The following MYT1L variants were observed in gnomAD, a reference collection of about 807,000 sequenced individuals.
MYT1L encodes myelin transcription factor 1-like protein.
Under a neutral mutation model 126.7 loss-of-function variants are expected in MYT1L, and 12 were observed. The observed-to-expected ratio is 0.09, with a 90% CI of 0.06 to 0.15. The LOEUF is 0.15. MYT1L is among the 10% of genes least tolerant of loss of function. The pLI, the probability that MYT1L is intolerant of heterozygous loss-of-function variation, is 1.00. For synonymous variants in MYT1L, 541 were observed against 604.2 expected (o/e 0.90, Z 1.53); for missense variants, 979 against 1,585.2 (o/e 0.62, Z 6.49).
chr2:1,811,817 GT>G lies in MYT1L; in HGVS notation c.3081-2651del, dbSNP rs2036710436. 6.6e-6 allele frequency among the ~76,000 whole-genome samples: 1 copy of G among 151,982 alleles called. No homozygotes were observed. The highest frequency in any genetic ancestry group is 1.5e-5 in the Non-Finnish European group (1 of 67,990). ...GGGCCTGGGCAACAACCTGGCAGTC[GT>G]CCCCACTCCGGGGCACCCTCCTGGG... On this transcript the variant is annotated intron_variant, in intron 21 of 24. Transcript: ENST00000647738. This position sits in a 1 kb window ranked among gnomAD's most constrained non-coding sequence, Gnocchi z 4.4.
chr2:2,165,424 G>C (rs2088896076), intron 3 of MYT1L, among the ~76,000 whole-genome samples: 1 of 151,988 alleles, frequency 6.6e-6, no homozygotes, highest in Admixed American at 6.6e-5. Flanking sequence ...ATTGTGGCAA[G>C]CTCACACCTA....
chr2:2,202,894 T>C (rs535202018), intron 2 of MYT1L, among the ~76,000 whole-genome samples: 1 of 152,232 alleles, frequency 6.6e-6, no homozygotes, highest in South Asian at 2.1e-4. Context: ...GCAAACCGAA[T>C]CCAGCAGCAC....
At chr2:2,103,406 C>G (rs774657287) in intron 3 of MYT1L, among the ~76,000 whole-genome samples, 1 of 152,224 alleles carries the variant, frequency 6.6e-6, no homozygotes, top group Non-Finnish European at 1.5e-5. Flanking sequence ...CATGGCAACA[C>G]GTCCTCCTCT....
chr2:2,004,068 T>C (rs2062761825), intron 4 of MYT1L, among the ~76,000 whole-genome samples: 1 of 150,120 alleles, frequency 6.7e-6, no homozygotes, highest in African/African-American at 2.5e-5. Context: ...CCTGCAGGCG[T>C]TCTTTCCTGC....
intron 18 of MYT1L, among the ~76,000 whole-genome samples, chr2:1,855,924 G>T (rs2043858249): frequency 6.6e-6 from 1 of 152,082 alleles, no homozygotes; most frequent in South Asian, 2.1e-4. Context: ...CATATTAAGA[G>T]AAAATAACTT....
At chr2:1,983,080 T>C (rs1388899427) in intron 5 of MYT1L, among the ~76,000 whole-genome samples, 1 of 152,082 alleles carries the variant, frequency 6.6e-6, no homozygotes. Flanking sequence ...CAGTAATCAG[T>C]TATTAAATAA....
At chr2:2,133,669 C>G (rs1643412) in intron 3 of MYT1L, among the ~76,000 whole-genome samples, 1 of 152,086 alleles carries the variant, frequency 6.6e-6, no homozygotes, top group Non-Finnish European at 1.5e-5. Context: ...AATCACAACA[C>G]ACTTGCTGCT....
rs2096281997 is a variant in MYT1L, at chr2:2,331,171, T to C, written c.-725A>G. The C allele has an allele frequency of 6.6e-6, 1 of 151,150 alleles. No homozygotes were observed. The highest frequency in any genetic ancestry group is 6.6e-5 in the Admixed American group (1 of 15,172). 9.4% of individuals were successfully genotyped at this position (151,150 alleles called of 1,614,324 possible). A position where few individuals can be genotyped will look rare whatever the true frequency, so the allele number is the denominator to read the frequency against. On this transcript the variant is annotated 5_prime_UTR_variant, in exon 1 of 25. Coordinates refer to ENST00000647738, the MANE Select transcript of MYT1L (RefSeq NM_001303052.2). ...ATATCATAACCCATAGTCCAGGGAA[T>C]GAAAAAATTAAAATGCACCCACCAA... is the stretch of plus-strand genomic sequence containing the variant.
chr2:2,107,566 G>A (rs1299641683), intron 3 of MYT1L, among the ~76,000 whole-genome samples: 3 of 152,150 alleles, frequency 2.0e-5, no homozygotes, highest in Non-Finnish European at 4.4e-5. Context: ...AGGAGCTAAT[G>A]CCTAAAGCAT....
chr2:1,795,129 C>G (rs1321005531), intron 23 of MYT1L, among the ~76,000 whole-genome samples: 2 of 152,232 alleles, frequency 1.3e-5, no homozygotes, highest in Non-Finnish European at 2.9e-5. Flanking sequence ...TCCAGGGTGG[C>G]AAGAAGCTGA....
chr2:1,919,002 A>G (rs991727922), intron 10 of MYT1L, among the ~76,000 whole-genome samples: 3 of 152,346 alleles, frequency 2.0e-5, no homozygotes, highest in Middle Eastern at 3.4e-3. Context: ...TGACAATCAT[A>G]AACTTGAGAT....
At chr2:2,017,295 CAGG>C (rs1232026283) in intron 4 of MYT1L, among the ~76,000 whole-genome samples, 2 of 152,244 alleles carry the variant, frequency 1.3e-5, no homozygotes, top group Non-Finnish European at 2.9e-5. Context: ...AAAAGTTATT[CAGG>C]AGAACAGACA....
chr2:2,205,130 G>T (rs2093262698), intron 2 of MYT1L, among the ~76,000 whole-genome samples: 1 of 117,470 alleles, frequency 8.5e-6, no homozygotes, highest in Non-Finnish European at 1.8e-5. Context: ...GGTGGGGGGA[G>T]GGGGGAGGGA....
chr2:1,800,718 A>T (rs1169669789), intron 23 of MYT1L, among the ~76,000 whole-genome samples: 4 of 152,108 alleles, frequency 2.6e-5, no homozygotes, highest in Non-Finnish European at 2.9e-5. Flanking sequence ...ATAATAAGGG[A>T]GCCCTCGGAG....
intron 2 of MYT1L, among the ~76,000 whole-genome samples, chr2:2,203,938 G>A (rs1440262234): frequency 6.6e-6 from 1 of 152,110 alleles, no homozygotes; most frequent in African/African-American, 2.4e-5. Flanking sequence ...AGAGAACAGA[G>A]CCCTCAGAAA....
At chr2:2,045,808 C>G (rs1299551912) in intron 4 of MYT1L, among the ~76,000 whole-genome samples, 1 of 152,158 alleles carries the variant, frequency 6.6e-6, no homozygotes, top group African/African-American at 2.4e-5. Flanking sequence ...ATTTGGATCT[C>G]CAGGCCAACT....
chr2:1,853,965 C>T (rs187023422), intron 18 of MYT1L, among the ~76,000 whole-genome samples: 74 of 152,190 alleles, frequency 4.9e-4, no homozygotes, highest in African/African-American at 1.7e-3. Flanking sequence ...GTGTTTTAAC[C>T]AGCACCTGTG....
Position 2,053,283 on chromosome 2 carries a change from C to T in MYT1L, c.-158+695G>A, listed in dbSNP as rs541053121. On this transcript the variant is annotated intron_variant, in intron 4 of 24. Coordinates refer to ENST00000647738, the MANE Select transcript of MYT1L (RefSeq NM_001303052.2). The stretch of plus-strand genomic sequence containing the variant: ...GGAGGCCTGGGGAGGTAGTGTTTAA[C>T]GGGGACAGGGTTTCAGTTAGGGAAC... 7.9e-5 allele frequency among the ~76,000 whole-genome samples: 12 copies of T among 152,200 alleles called. No homozygotes were observed. In the East Asian group the frequency reaches 1.5e-3, roughly 20 times the overall value.
At chr2:2,281,797 C>T (rs755269253) in intron 2 of MYT1L, among the ~76,000 whole-genome samples, 5 of 152,152 alleles carry the variant, frequency 3.3e-5, no homozygotes, top group South Asian at 2.1e-4. Flanking sequence ...CAACAGGTGC[C>T]TATTATAAAA....
Sources: gnomAD v4.1 joint callset for allele counts (sites outside exome capture counted in the v4.1 genomes callset) on GRCh38, gnomAD v4.1.1 for gene constraint, Gnocchi (gnomAD v3.1) non-coding constraint, MANE v1.5 for transcripts, NCBI Gene and HGNC (gene_info 2026-07-23, HGNC 2026-07-21) for gene names.